The following HTR7 variants were observed in gnomAD, a reference collection of about 807,000 sequenced individuals.
HTR7 encodes 5-hydroxytryptamine receptor 7.
In HTR7, 16 loss-of-function variants were observed where a neutral mutation model predicts 34.0. That is an observed-to-expected ratio of 0.47 (90% CI 0.32 to 0.71). The LOEUF is 0.71. HTR7 is among the 30% of genes least tolerant of loss of function. HTR7 has a pLI of 0.04. For synonymous variants in HTR7, 265 were observed against 260.2 expected (o/e 1.02, Z -0.18); for missense variants, 504 against 625.5 (o/e 0.81, Z 2.07).
intron 1 of HTR7, among the ~76,000 whole-genome samples, chr10:90,752,417 TG>T (rs1212915361): frequency 6.6e-6 from 1 of 152,048 alleles, no homozygotes; most frequent in Non-Finnish European, 1.5e-5. Flanking sequence ...CTTAAATCCA[TG>T]GGGGAAAAAA....
At chr10:90,819,116 T>C (rs1845940122) in intron 1 of HTR7, among the ~76,000 whole-genome samples, 1 of 152,086 alleles carries the variant, frequency 6.6e-6, no homozygotes, top group South Asian at 2.1e-4. Flanking sequence ...AATAGACTAA[T>C]ACACATAAAT....
intron 1 of HTR7, among the ~76,000 whole-genome samples, chr10:90,853,710 G>T (rs1846535768): frequency 6.6e-6 from 1 of 152,134 alleles, no homozygotes; most frequent in East Asian, 1.9e-4. Context: ...AGTCACATAG[G>T]TATATATATT....
chr10:90,756,556 T>C (rs780303706), intron 1 of HTR7, among the ~76,000 whole-genome samples: 10 of 151,984 alleles, frequency 6.6e-5, no homozygotes, highest in Non-Finnish European at 1.2e-4. Context: ...GCCCTCAGCA[T>C]TGAGGGAGAG....
At position 90,768,271 on chromosome 10, in the gene HTR7, G is replaced by T. The variant is rs149550836; in HGVS notation, c.540-18677C>A. Among the ~76,000 whole-genome samples the T allele has an allele frequency of 8.3e-4, 126 of 152,208 alleles. 1 individual carries two copies. Among genetic ancestry groups the T allele is most frequent in the African/African-American group, 2.9e-3 (122 of 41,534 alleles). ...CAAGTATTGCAATAGCCTCTAAATT[G>T]GTTCCCTCGCAACTACTATTCTCCT... On this transcript the variant is annotated intron_variant, in intron 1 of 3. Transcript: ENST00000336152.
intron 1 of HTR7, among the ~76,000 whole-genome samples, chr10:90,811,825 G>A (rs1158137089): frequency 4.0e-5 from 6 of 151,278 alleles, no homozygotes; most frequent in Non-Finnish European, 7.4e-5. Context: ...TTTCCTACAG[G>A]GTCTGAGAAG....
intron 1 of HTR7, among the ~76,000 whole-genome samples, chr10:90,782,578 A>G (rs1431586897): frequency 6.6e-6 from 1 of 152,144 alleles, no homozygotes; most frequent in Non-Finnish European, 1.5e-5. Flanking sequence ...TACTTCAAGG[A>G]ATGAGATCAC....
chr10:90,828,768 A>T (rs112793964), intron 1 of HTR7, among the ~76,000 whole-genome samples: 2,263 of 152,196 alleles, frequency 0.015, 57 homozygotes, highest in African/African-American at 0.05. Flanking sequence ...AAACATTTTT[A>T]AAAAAATCAA....
intron 1 of HTR7, among the ~76,000 whole-genome samples, chr10:90,837,791 G>C (rs1199824680): frequency 6.6e-6 from 1 of 152,148 alleles, no homozygotes; most frequent in African/African-American, 2.4e-5. Flanking sequence ...GTTGCTTCTA[G>C]CTGCCATCTC....
At chr10:90,829,762 T>G (rs182985716) in intron 1 of HTR7, among the ~76,000 whole-genome samples, 1 of 152,208 alleles carries the variant, frequency 6.6e-6, no homozygotes, top group Non-Finnish European at 1.5e-5. Flanking sequence ...TCTGAACTGA[T>G]AAACTCAGTA....
intron 1 of HTR7, among the ~76,000 whole-genome samples, chr10:90,785,561 T>A (rs745781442): frequency 3.3e-5 from 5 of 152,102 alleles, no homozygotes; most frequent in Non-Finnish European, 7.4e-5. Flanking sequence ...CATGACTCAG[T>A]ACCTGGTGCA....
chr10:90,830,720 G>A (rs1846154785), intron 1 of HTR7, among the ~76,000 whole-genome samples: 2 of 151,156 alleles, frequency 1.3e-5, no homozygotes, highest in African/African-American at 4.9e-5. Flanking sequence ...CCCGGGAGAT[G>A]GAGGCAGCAG....
chr10:90,842,846 G>A (rs1251257974), intron 1 of HTR7, among the ~76,000 whole-genome samples: 1 of 152,020 alleles, frequency 6.6e-6, no homozygotes, highest in Non-Finnish European at 1.5e-5. Context: ...TCACATCACT[G>A]GCAGCTTTGC....
At position 90,741,116 on chromosome 10, in the gene HTR7, C is replaced by T. The variant is rs1844535240; in HGVS notation, c.*1366G>A. ...AAGTCCATAATCCATGTCAGAATTC[C>T]ACTTTATCCTGTGAGAGGACAGCTT... On this transcript the variant is annotated 3_prime_UTR_variant, in exon 4 of 4. Coordinates refer to ENST00000336152, the MANE Select transcript of HTR7 (RefSeq NM_019859.4). 1 of 152,494 alleles carries T rather than the reference C, an allele frequency of 6.6e-6. No individual in the cohort carries two copies. The highest frequency in any genetic ancestry group is 2.1e-4 in the South Asian group (1 of 4,818). The allele number at this position is 152,494 out of a possible 1,614,324, so 9.4% of individuals were successfully genotyped here.
chr10:90,810,121 C>A lies in HTR7; in HGVS notation c.539+47012G>T, dbSNP rs528910915. The stretch of plus-strand genomic sequence containing the variant: ...TTAAAACTCCCCAACTCTGGTGCCA[C>A]CTTAGACAATACTCTTTTAAGCACT... On this transcript the variant is annotated intron_variant, in intron 1 of 3. Coordinates refer to ENST00000336152, the MANE Select transcript of HTR7 (RefSeq NM_019859.4). 7.6e-4 allele frequency among the ~76,000 whole-genome samples: 115 copies of A among 152,194 alleles called. 1 individual carries two copies. The highest frequency in any genetic ancestry group is 9.9e-4 in the Non-Finnish European group (67 of 68,010).
intron 1 of HTR7, among the ~76,000 whole-genome samples, chr10:90,802,587 C>T (rs1297237628): frequency 6.6e-6 from 1 of 152,162 alleles, no homozygotes; most frequent in African/African-American, 2.4e-5. Context: ...TTATTCTAAG[C>T]AATTGATGGA....
chr10:90,798,184 C>T (rs1173110881), intron 1 of HTR7, among the ~76,000 whole-genome samples: 1 of 152,164 alleles, frequency 6.6e-6, no homozygotes, highest in Non-Finnish European at 1.5e-5. Flanking sequence ...GTTGTTTTAT[C>T]TCCACTTCTT....
chr10:90,758,358 A>AAAAAAAAAAAG (rs1844871902), intron 1 of HTR7, among the ~76,000 whole-genome samples: 1 of 147,412 alleles, frequency 6.8e-6, no homozygotes, highest in African/African-American at 2.5e-5. Context: ...AAAAAAAAAA[A>AAAAAAAAAAAG]GGAAAGGAAA....
chr10:90,843,158 C>T (rs1846356235), intron 1 of HTR7, among the ~76,000 whole-genome samples: 1 of 151,962 alleles, frequency 6.6e-6, no homozygotes, highest in South Asian at 2.1e-4. Flanking sequence ...CTACTTCCTT[C>T]CCTCCTTTTT....
chr10:90,833,350 C>G (rs1324811290), intron 1 of HTR7, among the ~76,000 whole-genome samples: 1 of 152,204 alleles, frequency 6.6e-6, no homozygotes, highest in Non-Finnish European at 1.5e-5. Flanking sequence ...ATTCCCTTCT[C>G]TGTGAAGCTT....
Sources: allele counts gnomAD v4.1 joint callset (sites outside exome capture counted in the v4.1 genomes callset), GRCh38; gene constraint gnomAD v4.1.1; transcripts MANE v1.5; gene names NCBI Gene and HGNC (gene_info 2026-07-23, HGNC 2026-07-21).